TIMD4: variants seen among roughly 807,000 people sequenced by gnomAD.
The protein encoded by TIMD4 is T-cell immunoglobulin and mucin domain-containing protein 4.
TIMD4 carries 31 observed loss-of-function variants against 41.2 expected under a neutral mutation model. The observed-to-expected ratio is 0.75, with a 90% CI of 0.57 to 1.01. The LOEUF (loss-of-function observed/expected upper bound fraction) is 1.01, where lower values mean the gene tolerates loss of function less well. Ranked by LOEUF, TIMD4 falls within the 50% of genes least tolerant of loss-of-function variation. The pLI is 0.00. For synonymous variants in TIMD4, 204 were observed against 177.1 expected, an observed-to-expected ratio of 1.15 and a Z score of -1.21; for missense variants, 479 against 472.5, an observed-to-expected ratio of 1.01 and a Z score of -0.13.
chr5:156,963,179 A>T lies in TIMD4; in HGVS notation c.20T>A (p.Ile7Asn). 6.2e-7 allele frequency: 1 copy of T among 1,614,194 alleles called. No individual in the cohort carries two copies. Among genetic ancestry groups the T allele is most frequent in the Non-Finnish European group, 8.5e-7 (1 of 1,180,002 alleles). The change falls in exon 1 of 9, where the codon ATT becomes AAT. Residue 7 changes from isoleucine (I) to asparagine (N), a missense_variant. Ile to Asn is a moderately radical substitution (Grantham distance 149, BLOSUM62 -3). Transcript: ENST00000274532. ...CCAAAACTCAATCATCAGCCAGAGA[A>T]TGAGAGGTTCTTTGGACATTTTGAC... MSKEPLILWLMIEFWWL... is the reference protein window; with the variant it reads MSKEPLNLWLMIEFWWL...
At chr5:156,921,092 T>C (rs1290115097) in intron 7 of TIMD4, among the ~76,000 whole-genome samples, 1 of 124,372 alleles carries the variant, frequency 8.0e-6, no homozygotes, top group Non-Finnish European at 1.6e-5. Context: ...AGCTGTTTCA[T>C]GGCTGTTTTT....
intron 7 of TIMD4, among the ~76,000 whole-genome samples, chr5:156,921,312 A>G (rs760186048): frequency 1.3e-5 from 2 of 152,208 alleles, no homozygotes; most frequent in Middle Eastern, 3.4e-3. Flanking sequence ...GCTTGCTTTT[A>G]GGGAACATAT....
chr5:156,958,074 C>G (rs538340259), intron 1 of TIMD4, among the ~76,000 whole-genome samples: 1 of 152,042 alleles, frequency 6.6e-6, no homozygotes, highest in South Asian at 2.1e-4. Context: ...GAGTTCGAGA[C>G]CAGCCTGGCC....
intron 8 of TIMD4, 96 bp from the exon 9 acceptor site, chr5:156,919,637 G>A (rs1561542311): frequency 6.4e-6 from 6 of 935,676 alleles, no homozygotes; most frequent in Non-Finnish European, 1.0e-5. Context: ...TACCCTTAAA[G>A]TTCAAAGGGC....
At chr5:156,952,830 A>G (rs1235942253) in intron 2 of TIMD4, among the ~76,000 whole-genome samples, 1 of 152,248 alleles carries the variant, frequency 6.6e-6, no homozygotes, top group African/African-American at 2.4e-5. Flanking sequence ...TAACTATCAC[A>G]GTGTCTTGCA....
intron 1 of TIMD4, among the ~76,000 whole-genome samples, chr5:156,961,205 G>T (rs1753020011): frequency 6.6e-6 from 1 of 152,154 alleles, no homozygotes; most frequent in East Asian, 1.9e-4. Flanking sequence ...TGATAAAATG[G>T]CTACTATCAA....
chr5:156,948,303 C>T (rs1309701368), intron 5 of TIMD4, 113 bp downstream of exon 5: 2 of 495,536 alleles, frequency 4.0e-6, no homozygotes, highest in Non-Finnish European at 5.5e-6. Context: ...GCCTGGGCAA[C>T]ATGGTGAGAA....
At chr5:156,963,008 G>T in intron 1 of TIMD4, 133 bp downstream of exon 1, 2 of 842,260 alleles carry the variant, frequency 2.4e-6, no homozygotes, top group Non-Finnish European at 3.9e-6. Context: ...AAGGAAGCCT[G>T]GTAGGGAGAG....
In TIMD4 at chr5:156,937,436, C is replaced by T. The variant is rs866497938; in HGVS notation, c.844+10980G>A. On this transcript the variant is annotated intron_variant, in intron 5 of 8. Transcript: ENST00000274532. ...CTGAGGTTTACTCTTTTATTCTACC[C>T]GCTGTGAAATCAGAGACCTCTCCAG... 2.6e-5 allele frequency among the ~76,000 whole-genome samples: 4 copies of T among 152,274 alleles called. No individual in the cohort carries two copies. In the South Asian group the frequency reaches 6.2e-4, roughly 24 times the overall value.
At chr5:156,944,113 T>G (rs1759694911) in intron 5 of TIMD4, among the ~76,000 whole-genome samples, 1 of 151,996 alleles carries the variant, frequency 6.6e-6, no homozygotes, top group South Asian at 2.1e-4. Flanking sequence ...GCGAAAAGTA[T>G]GATCAGAGTT....
chr5:156,954,425 A>G lies in TIMD4; in HGVS notation c.390T>C (p.Asn130=), dbSNP rs1363948980. Residue 130 remains asparagine, a synonymous_variant, in exon 2 of 9, where the codon AAT becomes AAC. Transcript: ENST00000274532. ...FNDVKINVRL[N]LQRASTTTHR... ...CCTTCGTGTGCTTACCTCTCTGTAG[A>G]TTCAGGCGCACGTTTATCTTTACAT... The G allele has an allele frequency of 1.2e-6, 2 of 1,613,302 alleles. No homozygotes were observed. Among genetic ancestry groups the G allele is most frequent in the Admixed American group, 3.3e-5 (2 of 59,978 alleles).
rs145357398 is a variant in TIMD4 at position 156,928,142 on chromosome 5, T to C, written c.845-1830A>G. The stretch of plus-strand genomic sequence containing the variant: ...AATATGCTGAAACTAAAATACAACA[T>C]ACAAAAATTAGCTGGCATGGTGGTG... On this transcript the variant is annotated intron_variant, in intron 5 of 8. Coordinates refer to ENST00000274532, the MANE Select transcript of TIMD4 (RefSeq NM_138379.3). Among the ~76,000 whole-genome samples the C allele has an allele frequency of 4.6e-3, 692 of 151,902 alleles. 7 individuals are homozygous for C. Among genetic ancestry groups the C allele is most frequent in the African/African-American group, 0.016 (648 of 41,432 alleles).
rs530911242 is a variant in TIMD4, at chr5:156,957,068, C to T, written c.59-2312G>A. On this transcript the variant is annotated intron_variant, in intron 1 of 8. Transcript: ENST00000274532. ...TTTTTTAAAGACAGTCTCATTCTGT[C>T]GCCTAGGCTGAAGCACAGTGGCGCG... Among the ~76,000 whole-genome samples the T allele has an allele frequency of 1.2e-4, 18 of 151,062 alleles. No individual in the cohort carries two copies. In the East Asian group the frequency reaches 2.7e-3, roughly 23 times the overall value.
chr5:156,954,688 A>G lies in TIMD4; in HGVS notation c.127T>C (p.Ser43Pro). Reference protein sequence around the residue: ...GHRVTLPCLYSSWSHNSNSMC... With the variant: ...GHRVTLPCLYPSWSHNSNSMC... The stretch of plus-strand genomic sequence containing the variant: ...CTGTTGCTGTTGTGAGACCAGGATG[A>G]GTACAGACAGGGCAAAGTCACCCGG... The change falls in exon 2 of 9, where the codon TCA (serine) becomes CCA (proline). Residue 43 changes from serine to proline, a missense_variant. By Grantham distance (74) the Ser-to-Pro change is moderately conservative. Coordinates refer to ENST00000274532, the MANE Select transcript of TIMD4 (RefSeq NM_138379.3). 6.2e-7 allele frequency: 1 copy of G among 1,614,206 alleles called. No individual in the cohort carries two copies.
intron 1 of TIMD4, among the ~76,000 whole-genome samples, chr5:156,961,830 A>AG (rs1753061634): frequency 1.3e-5 from 2 of 148,426 alleles, no homozygotes; most frequent in Admixed American, 6.7e-5. Context: ...AAAAAAAAAA[A>AG]AAAAAAGAAA....
chr5:156,955,605 G>A (rs571564702), intron 1 of TIMD4, among the ~76,000 whole-genome samples: 3 of 151,628 alleles, frequency 2.0e-5, no homozygotes, highest in South Asian at 2.1e-4. Context: ...GCAGTGAGCC[G>A]AGATCATGCC....
At chr5:156,945,678 G>A (rs933129193) in intron 5 of TIMD4, among the ~76,000 whole-genome samples, 3 of 152,118 alleles carry the variant, frequency 2.0e-5, no homozygotes, top group Non-Finnish European at 2.9e-5. Flanking sequence ...AAAAGCATGC[G>A]TGTAATGTTT....
intron 5 of TIMD4, among the ~76,000 whole-genome samples, chr5:156,937,853 C>T (rs1402153304): frequency 6.6e-6 from 1 of 152,236 alleles, no homozygotes; most frequent in Non-Finnish European, 1.5e-5. Flanking sequence ...TGATTCAAGT[C>T]TGTGAACAGC....
At chr5:156,923,096 C>T (rs12657041) in intron 6 of TIMD4, among the ~76,000 whole-genome samples, 29,806 of 149,684 alleles carry the variant, frequency 0.2, 3,611 homozygotes, top group Admixed American at 0.31. Context: ...TGGTGTCTCG[C>T]TATGTTGCCC....
Sources: gnomAD v4.1 joint callset for allele counts (sites outside exome capture counted in the v4.1 genomes callset) on GRCh38, gnomAD v4.1.1 for gene constraint, MANE v1.5 for transcripts, NCBI Gene and HGNC (gene_info 2026-07-23, HGNC 2026-07-21) for gene names.